Variants in MLPH observed in about 807,000 individuals in gnomAD.
The protein encoded by MLPH is melanophilin.
In MLPH, 51 loss-of-function variants were observed where a neutral mutation model predicts 72.1. The ratio of observed to expected loss-of-function variants is 0.71; its 90% CI spans 0.56 to 0.89. MLPH has a LOEUF of 0.89. Among genes scored for constraint, MLPH ranks in the 40% least tolerant of loss-of-function variants. MLPH has a pLI of 0.00. For synonymous variants in MLPH, 301 were observed against 310.1 expected, an observed-to-expected ratio of 0.97 and a Z score of 0.31; for missense variants, 743 against 759.9, an observed-to-expected ratio of 0.98 and a Z score of 0.26.
rs144305996 is a variant in MLPH at position 237,533,252 on chromosome 2, C to A, written c.1021-1312C>A. Among the ~76,000 whole-genome samples, 487 of 152,276 alleles carry A rather than the reference C, an allele frequency of 3.2e-3. 3 individuals are homozygous for A. Among genetic ancestry groups the A allele is most frequent in the African/African-American group, 0.011 (458 of 41,544 alleles). ...TTCAAGGATGTTTCCATTTCAAAAA[C>A]ACAGTTCCCAGGTGGAGTTTTGAGA... On this transcript the variant is annotated intron_variant, in intron 8 of 15. Coordinates refer to ENST00000264605, the MANE Select transcript of MLPH (RefSeq NM_024101.7).
intron 10 of MLPH, 117 bp downstream of exon 10, chr2:237,540,650 G>C: frequency 6.7e-7 from 1 of 1,492,760 alleles, no homozygotes; most frequent in African/African-American, 1.4e-5. Flanking sequence ...GCACACCAAG[G>C]GCCCTTGATG....
intron 2 of MLPH, among the ~76,000 whole-genome samples, chr2:237,495,146 C>T (rs1248532304): frequency 6.6e-6 from 1 of 152,224 alleles, no homozygotes; most frequent in Admixed American, 6.5e-5. Flanking sequence ...CACCCTCCCT[C>T]CCTCACCTGT....
intron 4 of MLPH, among the ~76,000 whole-genome samples, chr2:237,517,729 GTGGATGGATGGATGGA>G (rs58864368): frequency 0.077 from 10,444 of 134,940 alleles, 565 homozygotes; most frequent in East Asian, 0.21. Flanking sequence ...AAGTAAGTGG[GTGGATGGATGGATGGA>G]TGGATGGATG....
intron 13 of MLPH, among the ~76,000 whole-genome samples, chr2:237,548,076 C>T (rs1342361067): frequency 1.3e-5 from 2 of 152,200 alleles, no homozygotes; most frequent in Non-Finnish European, 2.9e-5. Flanking sequence ...AGCGGGTAGG[C>T]AGTGCTATTT....
intron 6 of MLPH, 109 bp from the exon 7 acceptor site, chr2:237,525,492 C>A (rs1574872359): frequency 9.4e-7 from 1 of 1,065,294 alleles, no homozygotes; most frequent in East Asian, 2.5e-5. Flanking sequence ...AGTGCTGGGT[C>A]AGTCAAGTGC....
At chr2:237,501,374 C>T (rs1322146168) in intron 2 of MLPH, among the ~76,000 whole-genome samples, 1 of 152,078 alleles carries the variant, frequency 6.6e-6, no homozygotes. Context: ...GAGTCTGGGG[C>T]GGGTTACCCA....
chr2:237,552,770 G>A (rs970032203), intron 15 of MLPH, among the ~76,000 whole-genome samples: 9 of 152,196 alleles, frequency 5.9e-5, no homozygotes, highest in Admixed American at 1.3e-4. Flanking sequence ...AAAACCCCAA[G>A]AGAGTTCACC....
chr2:237,486,492 T>G (rs1158893550), upstream of MLPH: 1 of 152,274 alleles, frequency 6.6e-6, no homozygotes, highest in Admixed American at 6.5e-5. Context: ...CGGGCCCCGC[T>G]GAGCACCCAA....
chr2:237,512,300 G>A lies in MLPH; in HGVS notation c.445+1199G>A, dbSNP rs1175499896. On this transcript the variant is annotated intron_variant, in intron 4 of 15. Coordinates refer to ENST00000264605, the MANE Select transcript of MLPH (RefSeq NM_024101.7). This position sits in a 1 kb window ranked among gnomAD's most constrained non-coding sequence, Gnocchi z 5.5. ...GACACCTTTGAGCATTCAAGCTCTC[G>A]CCGGGCCTGCTGCAGGCATTTCAAG... Among the ~76,000 whole-genome samples, 3 of 152,164 alleles carry A rather than the reference G, an allele frequency of 2.0e-5. No individual in the cohort carries two copies. The highest frequency in any genetic ancestry group is 2.9e-5 in the Non-Finnish European group (2 of 68,032).
At chr2:237,518,726 G>A (rs1050587965) in intron 5 of MLPH, 78 bp downstream of exon 5, 1 of 1,142,370 alleles carries the variant, frequency 8.8e-7, no homozygotes, top group Non-Finnish European at 1.3e-6. Flanking sequence ...CTGATTTCCT[G>A]AAAACCTTGA....
At chr2:237,519,528 C>G (rs895502545) in intron 5 of MLPH, among the ~76,000 whole-genome samples, 7 of 152,230 alleles carry the variant, frequency 4.6e-5, no homozygotes, top group African/African-American at 1.7e-4. Flanking sequence ...CTGTCTCACT[C>G]AGCCATCGTG....
At chr2:237,514,480 G>C (rs2079972607) in intron 4 of MLPH, among the ~76,000 whole-genome samples, 1 of 151,808 alleles carries the variant, frequency 6.6e-6, no homozygotes, top group South Asian at 2.1e-4. Flanking sequence ...GCTGGCTTTG[G>C]GAGAAAGGGA....
chr2:237,494,367 G>A (rs2079492150), intron 2 of MLPH, among the ~76,000 whole-genome samples: 1 of 152,018 alleles, frequency 6.6e-6, no homozygotes, highest in Non-Finnish European at 1.5e-5. Context: ...AGTAAATGAG[G>A]GGGCCAGGAA....
chr2:237,486,652 C>T (rs142742401), upstream of MLPH: 1,079 of 152,402 alleles, frequency 7.1e-3, 3 homozygotes, highest in South Asian at 0.029. Flanking sequence ...TTTTTCTTGG[C>T]GGGCAAGGCC....
At chr2:237,519,707 C>A (rs186621451) in intron 5 of MLPH, among the ~76,000 whole-genome samples, 23 of 152,142 alleles carry the variant, frequency 1.5e-4, no homozygotes, top group African/African-American at 4.1e-4. Context: ...GGATGGGCAC[C>A]GTGAGCACCA....
intron 8 of MLPH, among the ~76,000 whole-genome samples, chr2:237,530,031 C>G (rs1394617176): frequency 6.6e-6 from 1 of 152,228 alleles, no homozygotes; most frequent in African/African-American, 2.4e-5. Context: ...GCGAGGTGGG[C>G]AGGGCACGCA....
At chr2:237,552,103 A>C (rs1240218234) in intron 14 of MLPH, 7 of 503,208 alleles carry the variant, frequency 1.4e-5, no homozygotes, top group Non-Finnish European at 2.2e-5. Context: ...GGCCACAGTG[A>C]GGAAGAATGT....
In MLPH at chr2:237,512,432, G is replaced by A. The variant is rs146962911; in HGVS notation, c.445+1331G>A. ...CTGCACTTTTTGGGTGGTGGGGTGG[G>A]GATGGGGGCAGGTATGATCAATCAT... is the stretch of plus-strand genomic sequence containing the variant. On this transcript the variant is annotated intron_variant, in intron 4 of 15. Transcript: ENST00000264605. This position sits in a 1 kb window ranked among gnomAD's most constrained non-coding sequence, Gnocchi z 5.5. 0.01 allele frequency among the ~76,000 whole-genome samples: 1,533 copies of A among 152,290 alleles called. 11 individuals carry two copies. Among genetic ancestry groups the A allele is most frequent in the Non-Finnish European group, 0.017 (1,181 of 68,028 alleles).
At chr2:237,545,719 G>T in intron 12 of MLPH, 1 of 1,147,534 alleles carries the variant, frequency 8.7e-7, no homozygotes. Flanking sequence ...AGGACATTTG[G>T]CAAAAGAATG....
Sources: allele counts gnomAD v4.1 joint callset (sites outside exome capture counted in the v4.1 genomes callset), GRCh38; gene constraint gnomAD v4.1.1; non-coding constraint Gnocchi (gnomAD v3.1); transcripts MANE v1.5; gene names NCBI Gene and HGNC (gene_info 2026-07-23, HGNC 2026-07-21).